Variants in SEMA5B observed in about 807,000 individuals in gnomAD.
SEMA5B encodes semaphorin 5B, also known as semaphorin-5B.
Under a neutral mutation model 135.0 loss-of-function variants are expected in SEMA5B, and 66 were observed. That is an observed-to-expected ratio of 0.49 (90% CI 0.40 to 0.60). The LOEUF (loss-of-function observed/expected upper bound fraction) is 0.60. Ranked by LOEUF, SEMA5B falls within the 20% of genes least tolerant of loss-of-function variation. The pLI, the probability that SEMA5B is intolerant of heterozygous loss-of-function variation, is 0.00. For synonymous variants in SEMA5B, 690 were observed against 639.5 expected, an observed-to-expected ratio of 1.08 and a Z score of -1.19; for missense variants, 1,501 against 1,566.3, an observed-to-expected ratio of 0.96 and a Z score of 0.70.
chr3:122,946,358 T>C (rs938564778), intron 3 of SEMA5B, among the ~76,000 whole-genome samples: 2 of 151,516 alleles, frequency 1.3e-5, no homozygotes, highest in Non-Finnish European at 2.9e-5. Flanking sequence ...TCCTCTAGGG[T>C]ATTTAGGGGT....
At chr3:122,937,810 T>C (rs1939365644) in intron 5 of SEMA5B, among the ~76,000 whole-genome samples, 1 of 152,194 alleles carries the variant, frequency 6.6e-6, no homozygotes, top group Non-Finnish European at 1.5e-5. Flanking sequence ...TTCAGCCACA[T>C]TACACTCCTA....
chr3:122,972,235 G>T (rs1172469544), intron 1 of SEMA5B, among the ~76,000 whole-genome samples: 2 of 152,190 alleles, frequency 1.3e-5, no homozygotes, highest in African/African-American at 2.4e-5. Context: ...GGTCTCCCCT[G>T]CTTTTCCAGG....
intron 3 of SEMA5B, among the ~76,000 whole-genome samples, chr3:122,945,944 G>A (rs1464520503): frequency 6.6e-6 from 1 of 152,060 alleles, no homozygotes; most frequent in Non-Finnish European, 1.5e-5. Flanking sequence ...AAGGAGCCGG[G>A]CATAGCACGG....
Position 122,921,987 on chromosome 3 carries a change from G to T in SEMA5B, c.1616C>A (p.Ala539Glu). 1.3e-6 allele frequency: 2 copies of T among 1,534,870 alleles called. No homozygotes were observed. Among genetic ancestry groups the T allele is most frequent in the Non-Finnish European group, 1.7e-6 (2 of 1,144,466 alleles). ...GCCGTCTCTCAGCCCCACGAAGAGC[G>T]CGCGGGCGCTGTGCAGGATGCGCAG... ...RSLRILHSAR[A>E]LFVGLRDGVL... is the part of the protein sequence containing the mutation. Residue 539 changes from alanine (A) to glutamate (E), a missense_variant, in exon 12 of 23, where the codon GCG becomes GAG. Physicochemically the swap from Ala to Glu is moderately radical, Grantham distance 107. Coordinates refer to ENST00000357599, the MANE Select transcript of SEMA5B (RefSeq NM_001031702.4).
intron 1 of SEMA5B, among the ~76,000 whole-genome samples, chr3:123,003,187 T>C (rs1942224784): frequency 6.6e-6 from 1 of 152,196 alleles, no homozygotes; most frequent in Non-Finnish European, 1.5e-5. Context: ...ACTACCCACC[T>C]GGAAATCTCA....
chr3:122,923,760 G>T lies in SEMA5B; in HGVS notation c.1137-8C>A. On this transcript the variant is annotated splice_region_variant and splice_polypyrimidine_tract_variant and intron_variant, in intron 9 of 22. Transcript: ENST00000357599. ...GAAGCCGCGATGCTGTTTCTGAAAGGCAAGAAGTGGTGGCACAGGGCCCTC... is the reference window on the plus strand; with the variant it reads ...GAAGCCGCGATGCTGTTTCTGAAAGTCAAGAAGTGGTGGCACAGGGCCCTC... The T allele has an allele frequency of 6.2e-7, 1 of 1,613,968 alleles. No homozygotes were observed. The highest frequency in any genetic ancestry group is 1.7e-5 in the Admixed American group (1 of 60,034).
At chr3:122,918,296 C>T (rs1024190364) in intron 12 of SEMA5B, among the ~76,000 whole-genome samples, 2 of 152,208 alleles carry the variant, frequency 1.3e-5, no homozygotes, top group Non-Finnish European at 2.9e-5. Context: ...TAGAGCCTAA[C>T]CAGTTTTACA....
chr3:122,912,810 G>T (rs370123673), intron 18 of SEMA5B, 33 bp downstream of exon 18: 10 of 1,511,504 alleles, frequency 6.6e-6, no homozygotes, highest in South Asian at 3.9e-5. Flanking sequence ...ACAGGGTTTC[G>T]CTAGGCCAAG....
intron 1 of SEMA5B, among the ~76,000 whole-genome samples, chr3:122,974,089 C>T (rs1941223935): frequency 6.6e-6 from 1 of 152,022 alleles, no homozygotes; most frequent in South Asian, 2.1e-4. Context: ...AGAGAGAGCC[C>T]AGGCACACCA....
At chr3:122,954,318 T>G (rs1227742571) in intron 2 of SEMA5B, among the ~76,000 whole-genome samples, 1 of 152,242 alleles carries the variant, frequency 6.6e-6, no homozygotes, top group Non-Finnish European at 1.5e-5. Context: ...TCCAGTTCCC[T>G]GTTCCAGCCC....
At chr3:122,939,257 G>T (rs1039957949) in intron 5 of SEMA5B, among the ~76,000 whole-genome samples, 168 bp downstream of exon 5, 2 of 152,226 alleles carry the variant, frequency 1.3e-5, no homozygotes, top group Non-Finnish European at 2.9e-5. Context: ...TACATTGCGG[G>T]CAGTGACTCT....
chr3:122,914,595 T>A (rs1230208073), intron 14 of SEMA5B, among the ~76,000 whole-genome samples: 2 of 152,226 alleles, frequency 1.3e-5, no homozygotes, highest in African/African-American at 2.4e-5. Context: ...CCCATGAGGT[T>A]GCTGTGAGGG....
intron 1 of SEMA5B, among the ~76,000 whole-genome samples, chr3:123,017,776 C>T (rs1942595395): frequency 6.6e-6 from 1 of 151,970 alleles, no homozygotes; most frequent in African/African-American, 2.4e-5. Flanking sequence ...GATGCAGTGG[C>T]GGGTGCCTGT....
intron 1 of SEMA5B, among the ~76,000 whole-genome samples, chr3:123,023,644 C>A (rs950486297): frequency 6.6e-6 from 1 of 152,204 alleles, no homozygotes; most frequent in African/African-American, 2.4e-5. Context: ...TCACCCTCCC[C>A]CAAAACCCTG....
intron 1 of SEMA5B, chr3:122,976,011 C>G (rs769277541): frequency 1.4e-4 from 218 of 1,534,990 alleles, no homozygotes; most frequent in Non-Finnish European, 1.9e-4. Context: ...TCGATCCCTT[C>G]GCTTCTGCTT....
At chr3:122,981,887 C>T (rs1404215448) in intron 1 of SEMA5B, among the ~76,000 whole-genome samples, 1 of 152,198 alleles carries the variant, frequency 6.6e-6, no homozygotes, top group Non-Finnish European at 1.5e-5. Context: ...GATGGAGTCT[C>T]TGAGTCGGAA....
chr3:123,015,874 A>C (rs1942542837), intron 1 of SEMA5B, among the ~76,000 whole-genome samples: 1 of 152,190 alleles, frequency 6.6e-6, no homozygotes, highest in Admixed American at 6.5e-5. Flanking sequence ...TGACACCAGC[A>C]ACTTGAGATT....
At chr3:122,952,044 T>G (rs1361752036) in intron 2 of SEMA5B, among the ~76,000 whole-genome samples, 1 of 152,196 alleles carries the variant, frequency 6.6e-6, no homozygotes, top group Non-Finnish European at 1.5e-5. Context: ...CTCCCTGGTC[T>G]GCACCCCACA....
intron 1 of SEMA5B, among the ~76,000 whole-genome samples, chr3:123,026,594 C>G (rs1276521387): frequency 5.3e-5 from 8 of 152,142 alleles, no homozygotes. Context: ...CCGGCGACCA[C>G]TTCCCTCTTG....
Sources: allele counts gnomAD v4.1 joint callset (sites outside exome capture counted in the v4.1 genomes callset), GRCh38; gene constraint gnomAD v4.1.1; transcripts MANE v1.5; gene names NCBI Gene and HGNC (gene_info 2026-07-23, HGNC 2026-07-21).